ITGA4: variants seen among roughly 807,000 people sequenced by gnomAD.
ITGA4 encodes integrin alpha-4.
Under a neutral mutation model 133.6 loss-of-function variants are expected in ITGA4, and 63 were observed. The observed-to-expected ratio is 0.47, with a 90% CI of 0.38 to 0.58. The LOEUF (loss-of-function observed/expected upper bound fraction) is 0.58. Among genes scored for constraint, ITGA4 ranks in the 20% least tolerant of loss-of-function variants. ITGA4 has a pLI of 0.00. For synonymous variants in ITGA4, 483 were observed against 438.0 expected (o/e 1.10, Z -1.28); for missense variants, 1,076 against 1,252.7 (o/e 0.86, Z 2.13).
chr2:181,458,367 G>T, intron 2 of ITGA4, 50 bp downstream of exon 2: 1 of 1,588,094 alleles, frequency 6.3e-7, no homozygotes, highest in East Asian at 2.3e-5. Context: ...CCCCCCATGT[G>T]GACCCCACCA....
At chr2:181,500,042 T>TATTTGTAG (rs1258080834) in intron 15 of ITGA4, among the ~76,000 whole-genome samples, 1 of 152,186 alleles carries the variant, frequency 6.6e-6, no homozygotes, top group Non-Finnish European at 1.5e-5. Context: ...GTTGCATGTA[T>TATTTGTAG]ATTTGTAGTG....
chr2:181,510,974 C>T (rs754123419), intron 16 of ITGA4, among the ~76,000 whole-genome samples: 11 of 152,094 alleles, frequency 7.2e-5, no homozygotes, highest in South Asian at 2.1e-4. Context: ...GCTGTAGGCA[C>T]GCTATTTGAC....
At position 181,457,789 on chromosome 2, in the gene ITGA4, G is replaced by A. The variant is rs770253057; in HGVS notation, c.135G>A (p.Gln45=). 2 of 1,613,772 alleles carry A rather than the reference G, an allele frequency of 1.2e-6. No homozygotes were observed. Among genetic ancestry groups the A allele is most frequent in the South Asian group, 2.2e-5 (2 of 91,042 alleles). ...ACACTGAGAGCGCGCTGCTTTACCA[G>A]GGCCCCCACAACACGCTGTTCGGCT... ...NVDTESALLY[Q]GPHNTLFGYS... The change falls in exon 1 of 28, where the codon CAG becomes CAA. Residue 45 remains glutamine (Q), a synonymous_variant. Transcript: ENST00000397033.
intron 18 of ITGA4, 73 bp downstream of exon 18, chr2:181,522,414 A>G: frequency 9.9e-7 from 1 of 1,014,990 alleles, no homozygotes; most frequent in South Asian, 1.9e-5. Context: ...AAATGGTAGA[A>G]TTCACTTCAC....
chr2:181,517,347 T>C (rs1574407774), intron 17 of ITGA4, among the ~76,000 whole-genome samples: 1 of 152,050 alleles, frequency 6.6e-6, no homozygotes, highest in East Asian at 1.9e-4. Context: ...TGGGGAGCAT[T>C]TCTTGCAAAA....
chr2:181,466,736 G>C (rs376321336), intron 2 of ITGA4, among the ~76,000 whole-genome samples: 1 of 152,098 alleles, frequency 6.6e-6, no homozygotes, highest in African/African-American at 2.4e-5. Context: ...GATTTAGTAA[G>C]TATTAGGACT....
rs1049141846 is a variant in ITGA4, at chr2:181,536,183, C to T, written c.*656C>T. 6.6e-6 allele frequency: 1 copy of T among 151,856 alleles called. No individual in the cohort carries two copies. The highest frequency in any genetic ancestry group is 1.5e-5 in the Non-Finnish European group (1 of 67,952). The allele number at this position is 151,856 out of a possible 1,614,324, so 9.4% of individuals were successfully genotyped here. ...TGGTTTGAGCTTAGTGAAATTACTTCTGGATAATTATTTTTTTATAATTAT... is the reference window on the plus strand; with the variant it reads ...TGGTTTGAGCTTAGTGAAATTACTTTTGGATAATTATTTTTTTATAATTAT... On this transcript the variant is annotated 3_prime_UTR_variant, in exon 28 of 28. Transcript: ENST00000397033.
chr2:181,497,250 T>C (rs368882283), intron 14 of ITGA4, among the ~76,000 whole-genome samples: 132 of 152,316 alleles, frequency 8.7e-4, no homozygotes, highest in African/African-American at 3.1e-3. Context: ...ACCAGATATT[T>C]TTAAAAATAG....
intron 15 of ITGA4, among the ~76,000 whole-genome samples, chr2:181,508,021 AT>A (rs74700111): frequency 0.23 from 35,253 of 152,044 alleles, 4,833 homozygotes; most frequent in Non-Finnish European, 0.31. Flanking sequence ...ATAATGTGGA[AT>A]TTTTTTAATG....
intron 10 of ITGA4, 35 bp from the exon 11 acceptor site, chr2:181,493,290 G>T (rs1686093925): frequency 1.4e-6 from 2 of 1,434,582 alleles, no homozygotes; most frequent in Non-Finnish European, 1.9e-6. Context: ...TTTGTATCAA[G>T]AATTTATTTT....
At chr2:181,480,376 A>G in intron 6 of ITGA4, 110 bp downstream of exon 6, 2 of 561,420 alleles carry the variant, frequency 3.6e-6, no homozygotes, top group Non-Finnish European at 5.8e-6. Context: ...CAGTATAATT[A>G]CAGTAATAAT....
intron 20 of ITGA4, 96 bp from the exon 21 acceptor site, chr2:181,525,106 C>G: frequency 1.6e-6 from 1 of 639,036 alleles, no homozygotes; most frequent in Non-Finnish European, 2.7e-6. Context: ...TTTAAGCAAA[C>G]CTCTGAGTAT....
In ITGA4 at chr2:181,475,037, A is replaced by C. The variant is rs1685642133; in HGVS notation, c.397A>C (p.Arg133=). 6.2e-7 allele frequency: 1 copy of C among 1,614,108 alleles called. No individual in the cohort carries two copies. The highest frequency in any genetic ancestry group is 8.5e-7 in the Non-Finnish European group (1 of 1,179,952). The change falls in exon 3 of 28, where the codon AGA becomes CGA. Residue 133 remains arginine (R), a synonymous_variant. Transcript: ENST00000397033. The part of the protein sequence containing the change: ...DNQWLGVTLS[R]QPGENGSIVT... The stretch of plus-strand genomic sequence containing the variant: ...TCAGTGGTTGGGGGTCACACTTTCC[A>C]GACAGCCAGGAGAAAATGGATCCAT...
intron 17 of ITGA4, among the ~76,000 whole-genome samples, chr2:181,514,931 C>T (rs1192679799): frequency 6.6e-6 from 1 of 152,076 alleles, no homozygotes; most frequent in African/African-American, 2.4e-5. Context: ...GCCTATCAAA[C>T]CCATTATGAT....
Position 181,537,601 on chromosome 2 carries a change from A to T in ITGA4, c.*2074A>T. On this transcript the variant is annotated 3_prime_UTR_variant, in exon 28 of 28. Transcript: ENST00000397033. ...AAATCTGTATTATATTTGTAACAGA[A>T]TATAGGAAATTTAACATAATTGATG... 1 of 430,868 alleles carries T rather than the reference A, an allele frequency of 2.3e-6. No individual in the cohort carries two copies. The highest frequency in any genetic ancestry group is 1.7e-5 in the South Asian group (1 of 59,180). The allele number at this position is 430,868 out of a possible 1,614,324, so 26.7% of individuals were successfully genotyped here.
At chr2:181,488,842 G>A (rs1321536272) in intron 10 of ITGA4, among the ~76,000 whole-genome samples, 3 of 152,210 alleles carry the variant, frequency 2.0e-5, no homozygotes, top group Admixed American at 6.5e-5. Flanking sequence ...ACAGGCATGA[G>A]CCACTGCACC....
At chr2:181,476,615 A>G (rs1166941784) in intron 4 of ITGA4, among the ~76,000 whole-genome samples, 2 of 152,174 alleles carry the variant, frequency 1.3e-5, no homozygotes, top group Non-Finnish European at 1.5e-5. Flanking sequence ...CTTTATGTCC[A>G]TGCAGATCTT....
rs1687246039 is a variant in ITGA4, at chr2:181,537,856, T to G, written c.*2329T>G. On this transcript the variant is annotated 3_prime_UTR_variant, in exon 28 of 28. Coordinates refer to ENST00000397033, the MANE Select transcript of ITGA4 (RefSeq NM_000885.6). ...CATCAATTTCTATTAGGATATCCGT[T>G]TGGCCACACAGCAGGAGGTTAGAGC... 3 of 513,042 alleles carry G rather than the reference T, an allele frequency of 5.8e-6. No homozygotes were observed. Among genetic ancestry groups the G allele is most frequent in the Non-Finnish European group, 7.5e-6 (2 of 265,714 alleles). The allele number at this position is 513,042 out of a possible 1,614,324, so 31.8% of individuals were successfully genotyped here. A position where few individuals can be genotyped will look rare whatever the true frequency, so the allele number is the denominator to read the frequency against.
chr2:181,517,549 G>T (rs1014151261), intron 17 of ITGA4, among the ~76,000 whole-genome samples: 1 of 152,054 alleles, frequency 6.6e-6, no homozygotes, highest in Admixed American at 6.6e-5. Flanking sequence ...AATGAAGAAT[G>T]AACTATGAGT....
Sources: gnomAD v4.1 joint callset for allele counts (sites outside exome capture counted in the v4.1 genomes callset) on GRCh38, gnomAD v4.1.1 for gene constraint, MANE v1.5 for transcripts, NCBI Gene and HGNC (gene_info 2026-07-23, HGNC 2026-07-21) for gene names.